PLEKHH1: variants seen among roughly 807,000 people sequenced by gnomAD.
PLEKHH1 encodes the protein pleckstrin homology, MyTH4 and FERM domain containing H1, also known as pleckstrin homology domain-containing family H member 1.
A neutral mutation model predicts 160.0 loss-of-function variants in PLEKHH1; 104 were observed. The ratio of observed to expected loss-of-function variants is 0.65; its 90% CI spans 0.55 to 0.76. The LOEUF (loss-of-function observed/expected upper bound fraction) is 0.76, where lower values mean the gene tolerates loss of function less well. PLEKHH1 is among the 30% of genes least tolerant of loss of function. The pLI, the probability that PLEKHH1 is intolerant of heterozygous loss-of-function variation, is 0.00. For synonymous variants in PLEKHH1, 619 were observed against 678.4 expected (o/e 0.91, Z 1.36); for missense variants, 1,427 against 1,724.1 (o/e 0.83, Z 3.05).
At chr14:67,577,851 A>G (rs1462782979) in intron 18 of PLEKHH1, among the ~76,000 whole-genome samples, 172 bp from the exon 19 acceptor site, 1 of 152,208 alleles carries the variant, frequency 6.6e-6, no homozygotes, top group Non-Finnish European at 1.5e-5. Flanking sequence ...AAAGTAGCCC[A>G]TAGCCCCTTT....
In PLEKHH1 at chr14:67,583,941, T is replaced by A. The variant is rs891050037; in HGVS notation, c.3570-54T>A. ...CTGTGGGGAGGTCTCAGGCCTGGAA[T>A]GAAGACACGTCGGCACTTCATTGGC... On this transcript the variant is annotated intron_variant, in intron 25 of 28. Transcript: ENST00000329153. 3.1e-6 allele frequency: 5 copies of A among 1,612,056 alleles called. No homozygotes were observed. In the Admixed American group the frequency reaches 6.7e-5, roughly 21 times the overall value.
intron 7 of PLEKHH1, 66 bp downstream of exon 7, chr14:67,562,960 A>T: frequency 5.4e-6 from 8 of 1,470,134 alleles, no homozygotes; most frequent in Non-Finnish European, 7.3e-6. Context: ...CTGGCTGAGC[A>T]CAGCCATGCA....
Position 67,578,072 on chromosome 14 carries a change from AC to A in PLEKHH1, c.2626del (p.His876MetfsTer27), listed in dbSNP as rs2035710868. The A allele has an allele frequency of 6.2e-7, 1 of 1,613,766 alleles. No individual in the cohort carries two copies. The highest frequency in any genetic ancestry group is 2.2e-5 in the East Asian group (1 of 44,894). ...CCGGTGGAAGCTGCCTCGGTGGACT[AC>A]CATGTGTCCCTGGCCCAGACCGCAC... ...NVPVEAASVD[Y>X]HVSLAQTALQ... On this transcript the variant is annotated frameshift_variant, in exon 19 of 29. Coordinates refer to ENST00000329153, the MANE Select transcript of PLEKHH1 (RefSeq NM_020715.3). LOFTEE classifies it high-confidence loss of function. This position sits in a 1 kb window ranked among gnomAD's most constrained non-coding sequence, Gnocchi z 5.0.
chr14:67,586,723 C>T (rs1277468661), intron 28 of PLEKHH1: 26 of 1,049,652 alleles, frequency 2.5e-5, no homozygotes, highest in Non-Finnish European at 3.1e-5. Flanking sequence ...TAGAGTTTGC[C>T]AAACCTACTC....
At chr14:67,540,772 G>A (rs1010049629) in intron 1 of PLEKHH1, among the ~76,000 whole-genome samples, 2 of 152,074 alleles carry the variant, frequency 1.3e-5, no homozygotes, top group Non-Finnish European at 2.9e-5. Context: ...CCTATAAGGG[G>A]GATTTGAAAA....
chr14:67,574,528 A>C lies in PLEKHH1; in HGVS notation c.2088+125A>C. On this transcript the variant is annotated intron_variant, in intron 14 of 28. Transcript: ENST00000329153. This position sits in a 1 kb window ranked among gnomAD's most constrained non-coding sequence, Gnocchi z 4.2. ...CTCCTTTCTCTGGGAGCCTCCTCAC[A>C]GTGACTCGCTGGCCAGCCCTCAAAC... 1.4e-6 allele frequency: 1 copy of C among 723,312 alleles called. No homozygotes were observed. Among genetic ancestry groups the C allele is most frequent in the Non-Finnish European group, 2.1e-6 (1 of 480,416 alleles). 44.8% of individuals were successfully genotyped at this position (723,312 alleles called of 1,614,324 possible).
At chr14:67,549,670 C>T (rs543553767) in intron 2 of PLEKHH1, among the ~76,000 whole-genome samples, 22 of 152,264 alleles carry the variant, frequency 1.4e-4, no homozygotes, top group Non-Finnish European at 3.1e-4. Flanking sequence ...CTGTAGTGCT[C>T]GTGAACCATT....
intron 4 of PLEKHH1, among the ~76,000 whole-genome samples, chr14:67,558,191 C>T (rs1851499529): frequency 6.6e-6 from 1 of 152,208 alleles, no homozygotes; most frequent in African/African-American, 2.4e-5. Flanking sequence ...CTTTCCTCTG[C>T]CACTGGCCTT....
At chr14:67,569,879 G>T (rs2035287842) in intron 8 of PLEKHH1, 42 bp from the exon 9 acceptor site, 1 of 1,309,484 alleles carries the variant, frequency 7.6e-7, no homozygotes. Flanking sequence ...CCCTTCCTGG[G>T]TTATGCCCTT....
Position 67,573,777 on chromosome 14 carries a change from T to A in PLEKHH1, c.1840-24T>A. The A allele has an allele frequency of 6.6e-7, 1 of 1,513,448 alleles. No homozygotes were observed. The highest frequency in any genetic ancestry group is 1.4e-5 in the African/African-American group (1 of 73,146). 93.8% of individuals were successfully genotyped at this position (1,513,448 alleles called of 1,614,324 possible). A position where few individuals can be genotyped will look rare whatever the true frequency, so the allele number is the denominator to read the frequency against. On this transcript the variant is annotated intron_variant, in intron 12 of 28. Coordinates refer to ENST00000329153, the MANE Select transcript of PLEKHH1 (RefSeq NM_020715.3). The surrounding 1 kb of genome is among the most constrained non-coding windows in gnomAD (Gnocchi z 4.8). ...GGAAAGGCTCCACATTCAGTGGCTCTCCTCTCCAATACTTTCTTTACAGAG... is the reference window on the plus strand; with the variant it reads ...GGAAAGGCTCCACATTCAGTGGCTCACCTCTCCAATACTTTCTTTACAGAG...
At chr14:67,570,835 T>C (rs2035337592) in intron 9 of PLEKHH1, 1 of 152,280 alleles carries the variant, frequency 6.6e-6, no homozygotes, top group Admixed American at 6.5e-5. Flanking sequence ...GCGATTCTCC[T>C]GCCTCAGCCT....
chr14:67,567,131 T>A (rs941218869), intron 7 of PLEKHH1, among the ~76,000 whole-genome samples: 56 of 148,550 alleles, frequency 3.8e-4, no homozygotes, highest in African/African-American at 1.3e-3. Flanking sequence ...CCCTGAGGCA[T>A]GATCACTCGT....
rs565770418 is a variant in PLEKHH1 at position 67,561,773 on chromosome 14, G to T, written c.424-181G>T. Among the ~76,000 whole-genome samples the T allele has an allele frequency of 8.4e-4, 127 of 152,020 alleles. 1 individual carries two copies. Among genetic ancestry groups the T allele is most frequent in the Middle Eastern group, 6.8e-3 (2 of 294 alleles). On this transcript the variant is annotated intron_variant, in intron 5 of 28. Transcript: ENST00000329153. The stretch of plus-strand genomic sequence containing the variant: ...TGGTCCCAGCTACTCAGGAGGCTGA[G>T]GTGGGAGGATCAGTTGGGCCTGGGA...
In PLEKHH1 at chr14:67,589,381, T is replaced by C; in HGVS notation, c.*2146T>C. Reference sequence around the variant, plus strand: ...TCTGAAAACCAAAGTCCAATTTCTGTCTGGCCTTTTGTCTCATCCTTCTTG... The same window carrying C: ...TCTGAAAACCAAAGTCCAATTTCTGCCTGGCCTTTTGTCTCATCCTTCTTG... On this transcript the variant is annotated 3_prime_UTR_variant, in exon 29 of 29. Transcript: ENST00000329153. 2.0e-6 allele frequency: 2 copies of C among 984,580 alleles called. No homozygotes were observed. The highest frequency in any genetic ancestry group is 2.4e-6 in the Non-Finnish European group (2 of 829,148). The allele number at this position is 984,580 out of a possible 1,614,324, so 61.0% of individuals were successfully genotyped here.
intron 1 of PLEKHH1, among the ~76,000 whole-genome samples, chr14:67,540,481 G>T (rs2033919735): frequency 1.3e-5 from 2 of 151,942 alleles, no homozygotes; most frequent in South Asian, 4.2e-4. Context: ...CAAAAAATTA[G>T]CCAGGCTTGA....
chr14:67,587,534 G>A lies in PLEKHH1; in HGVS notation c.*299G>A, dbSNP rs555978049. The A allele has an allele frequency of 1.2e-4, 48 of 415,368 alleles. 1 individual carries two copies. Among genetic ancestry groups the A allele is most frequent in the South Asian group, 1.1e-3 (48 of 44,844 alleles). The allele number at this position is 415,368 out of a possible 1,614,324, so 25.7% of individuals were successfully genotyped here. On this transcript the variant is annotated 3_prime_UTR_variant, in exon 29 of 29. Transcript: ENST00000329153. ...CAGGGATGATCCACTGTTACTGAGG[G>A]CATCAGTGCTATAAGTTAAGGCTTT...
intron 27 of PLEKHH1, 21 bp from the exon 28 acceptor site, chr14:67,585,930 C>T: frequency 6.2e-7 from 1 of 1,602,130 alleles, no homozygotes; most frequent in Non-Finnish European, 8.5e-7. Context: ...TTCCCCACAA[C>T]TGACTGGTTC....
At chr14:67,534,884 C>G (rs1185713697) in intron 1 of PLEKHH1, among the ~76,000 whole-genome samples, 1 of 152,124 alleles carries the variant, frequency 6.6e-6, no homozygotes, top group Admixed American at 6.5e-5. Context: ...CAGATATACT[C>G]TGATGTATAT....
rs1480512698 is a variant in PLEKHH1, at chr14:67,559,672, T to C, written c.404T>C (p.Val135Ala). 3 of 1,605,788 alleles carry C rather than the reference T, an allele frequency of 1.9e-6. No homozygotes were observed. Among genetic ancestry groups the C allele is most frequent in the Non-Finnish European group, 2.6e-6 (3 of 1,176,092 alleles). ...AAAGCTGCAAAGATCAAGGAATGGGTGACACTCAAGTTGGCAAAGGTGGGT... is the reference window on the plus strand; with the variant it reads ...AAAGCTGCAAAGATCAAGGAATGGGCGACACTCAAGTTGGCAAAGGTGGGT... Reference protein sequence around the residue: ...QEKAAKIKEWVTLKLAKLEME... With the variant: ...QEKAAKIKEWATLKLAKLEME... The change falls in exon 5 of 29, where the codon GTG (valine) becomes GCG (alanine). Residue 135 changes from valine (V) to alanine (A), a missense_variant. By Grantham distance (64) the Val-to-Ala change is moderately conservative. Transcript: ENST00000329153.
Sources: gnomAD v4.1 joint callset for allele counts (sites outside exome capture counted in the v4.1 genomes callset) on GRCh38, gnomAD v4.1.1 for gene constraint, Gnocchi (gnomAD v3.1) non-coding constraint, MANE v1.5 for transcripts, NCBI Gene and HGNC (gene_info 2026-07-23, HGNC 2026-07-21) for gene names.